Variants in PIK3R3 observed in about 807,000 individuals in gnomAD.
The protein encoded by PIK3R3 is phosphatidylinositol 3-kinase regulatory subunit gamma.
Under a neutral mutation model 62.9 loss-of-function variants are expected in PIK3R3, and 64 were observed. That is an observed-to-expected ratio of 1.02 (90% CI 0.83 to 1.25). The LOEUF (loss-of-function observed/expected upper bound fraction) is 1.25, where lower values mean the gene tolerates loss of function less well. Ranked by LOEUF, PIK3R3 falls within the 50% of genes most tolerant of loss-of-function variation. The probability of loss-of-function intolerance (pLI) is 0.00; values close to 1 mark genes in which losing one functional copy is unlikely to be tolerated. For missense variants in PIK3R3, 614 were observed against 561.6 expected (o/e 1.09, Z -0.94); for synonymous variants, 165 against 189.0 (o/e 0.87, Z 1.04).
At position 46,042,340 on chromosome 1, in the gene PIK3R3, G is replaced by C; in HGVS notation, c.*1333C>G. ...CCTTAATGGCAGGATCACAAAAAAAGGCAAAGAGAAAAGCTTCCAGATGGC... is the reference window on the plus strand; with the variant it reads ...CCTTAATGGCAGGATCACAAAAAAACGCAAAGAGAAAAGCTTCCAGATGGC... On this transcript the variant is annotated 3_prime_UTR_variant, in exon 10 of 10. Coordinates refer to ENST00000262741, the MANE Select transcript of PIK3R3 (RefSeq NM_003629.4). The surrounding 1 kb of genome is among the most constrained non-coding windows in gnomAD (Gnocchi z 4.3). 4.4e-6 allele frequency: 1 copy of C among 229,362 alleles called. No individual in the cohort carries two copies. The highest frequency in any genetic ancestry group is 8.6e-6 in the Non-Finnish European group (1 of 115,628). The allele number at this position is 229,362 out of a possible 1,614,324, so 14.2% of individuals were successfully genotyped here.
At chr1:46,168,325 A>G in the PIK3R3 span, among the ~76,000 whole-genome samples, 2 of 152,062 alleles carry the variant, frequency 1.3e-5, no homozygotes, top group Non-Finnish European at 2.9e-5. Flanking sequence ...TGTTTTCTCC[A>G]TTAGGGTGCA....
chr1:46,135,568 T>C (rs1230734612), upstream of PIK3R3, among the ~76,000 whole-genome samples: 1 of 152,214 alleles, frequency 6.6e-6, no homozygotes, highest in Non-Finnish European at 1.5e-5. Context: ...TGTTCAAATA[T>C]GCTTCATTTC....
intron 1 of PIK3R3, among the ~76,000 whole-genome samples, chr1:46,115,604 G>A (rs1450932067): frequency 6.6e-6 from 1 of 152,194 alleles, no homozygotes; most frequent in East Asian, 1.9e-4. Flanking sequence ...GTCCCAGTTA[G>A]AGAGATATGA....
chr1:46,161,092 T>C, the PIK3R3 span, among the ~76,000 whole-genome samples: 2 of 152,042 alleles, frequency 1.3e-5, no homozygotes, highest in Non-Finnish European at 2.9e-5. Context: ...AATGATTCAC[T>C]TATCAAATTT....
chr1:46,042,091 A>T lies in PIK3R3; in HGVS notation c.*1582T>A, dbSNP rs1353523111. ...AGCTTTGGGTTCAAACAGCTGACTC[A>T]CTCTGAGCCTATTATGGTCCCAGGA... On this transcript the variant is annotated 3_prime_UTR_variant, in exon 10 of 10. Coordinates refer to ENST00000262741, the MANE Select transcript of PIK3R3 (RefSeq NM_003629.4). The surrounding 1 kb of genome is among the most constrained non-coding windows in gnomAD (Gnocchi z 4.3). 4.5e-6 allele frequency: 1 copy of T among 221,660 alleles called. No homozygotes were observed. The highest frequency in any genetic ancestry group is 6.6e-5 in the East Asian group (1 of 15,264). The allele number at this position is 221,660 out of a possible 1,614,324, so 13.7% of individuals were successfully genotyped here.
At chr1:46,049,604 G>A (rs1054815242) in intron 7 of PIK3R3, among the ~76,000 whole-genome samples, 1 of 152,202 alleles carries the variant, frequency 6.6e-6, no homozygotes, top group Non-Finnish European at 1.5e-5. Context: ...ATAGCCAGAT[G>A]GCAAGACCCA....
intron 7 of PIK3R3, among the ~76,000 whole-genome samples, chr1:46,051,299 T>C (rs1473125606): frequency 6.6e-6 from 1 of 152,064 alleles, no homozygotes. Context: ...CTCATTCTGT[T>C]GCCCAGGCTA....
At chr1:46,138,250 G>C in the PIK3R3 span, among the ~76,000 whole-genome samples, 2 of 152,146 alleles carry the variant, frequency 1.3e-5, no homozygotes, top group Non-Finnish European at 2.9e-5. Flanking sequence ...CTTCTTTCTG[G>C]AATGTCCAAT....
Position 46,042,087 on chromosome 1 carries a change from A to ACTC in PIK3R3, c.*1583_*1585dup, listed in dbSNP as rs1647007295. ...GCACAGCTTTGGGTTCAAACAGCTG[A>ACTC]CTCACTCTGAGCCTATTATGGTCCC... On this transcript the variant is annotated 3_prime_UTR_variant, in exon 10 of 10. Transcript: ENST00000262741. The surrounding 1 kb of genome is among the most constrained non-coding windows in gnomAD (Gnocchi z 4.3). The ACTC allele has an allele frequency of 4.5e-6, 1 of 222,016 alleles. No individual in the cohort carries two copies. Among genetic ancestry groups the ACTC allele is most frequent in the East Asian group, 6.5e-5 (1 of 15,288 alleles). 13.8% of individuals were successfully genotyped at this position (222,016 alleles called of 1,614,324 possible).
intron 8 of PIK3R3, 71 bp from the exon 9 acceptor site, chr1:46,046,159 ACT>A (rs1399263468): frequency 3.0e-5 from 27 of 912,144 alleles, no homozygotes; most frequent in Non-Finnish European, 4.0e-5. Flanking sequence ...TAAATAAAAC[ACT>A]CTTCTAAATC....
upstream of PIK3R3, among the ~76,000 whole-genome samples, chr1:46,134,941 C>G (rs1655876005): frequency 6.6e-6 from 1 of 152,200 alleles, no homozygotes; most frequent in African/African-American, 2.4e-5. Flanking sequence ...TTCAGTCTTT[C>G]CACCTAAAAT....
At chr1:46,066,251 A>G in intron 4 of PIK3R3, 72 bp from the exon 5 acceptor site, 1 of 1,096,308 alleles carries the variant, frequency 9.1e-7, no homozygotes, top group Non-Finnish European at 1.3e-6. Context: ...TTCCACATCT[A>G]TTTTTTAAAG....
intron 1 of PIK3R3, among the ~76,000 whole-genome samples, chr1:46,109,920 C>A (rs999611707): frequency 2.0e-5 from 3 of 152,280 alleles, no homozygotes; most frequent in South Asian, 2.1e-4. Flanking sequence ...GCATAGAAGG[C>A]CCTACATGGT....
At position 46,042,938 on chromosome 1, in the gene PIK3R3, G is replaced by A. The variant is rs761691301; in HGVS notation, c.*735C>T. The A allele has an allele frequency of 1.7e-4, 35 of 209,500 alleles. No individual in the cohort carries two copies. The highest frequency in any genetic ancestry group is 2.7e-4 in the Non-Finnish European group (28 of 102,774). 13.0% of individuals were successfully genotyped at this position (209,500 alleles called of 1,614,324 possible). On this transcript the variant is annotated 3_prime_UTR_variant, in exon 10 of 10. Transcript: ENST00000262741. This position sits in a 1 kb window ranked among gnomAD's most constrained non-coding sequence, Gnocchi z 4.3. Reference sequence around the variant, plus strand: ...CAAATTCTAGTCTTTTTATGTTCAAGTTTTGGTACAGAAGTATACATTCAA... The same window carrying A: ...CAAATTCTAGTCTTTTTATGTTCAAATTTTGGTACAGAAGTATACATTCAA...
At chr1:46,170,489 C>T in the PIK3R3 span, among the ~76,000 whole-genome samples, 27,763 of 152,106 alleles carry the variant, frequency 0.18, 2,961 homozygotes, top group Middle Eastern at 0.24. Context: ...GGCATGATCT[C>T]GGCTCACTGC....
the PIK3R3 span, among the ~76,000 whole-genome samples, chr1:46,139,939 A>G: frequency 1.3e-5 from 2 of 152,114 alleles, no homozygotes; most frequent in South Asian, 2.1e-4. Context: ...GACCCTGCAA[A>G]CAAGAACCAG....
intron 1 of PIK3R3, among the ~76,000 whole-genome samples, chr1:46,106,540 A>C (rs954467605): frequency 2.6e-5 from 4 of 152,226 alleles, no homozygotes; most frequent in African/African-American, 9.6e-5. Context: ...GTAAAAAATA[A>C]TAATCAAATA....
chr1:46,133,272 G>T (rs1655785258), upstream of PIK3R3, among the ~76,000 whole-genome samples: 1 of 152,268 alleles, frequency 6.6e-6, no homozygotes. Flanking sequence ...CAGGCTGGGC[G>T]AGCGCTCGGG....
the PIK3R3 span, among the ~76,000 whole-genome samples, chr1:46,170,204 G>A: frequency 6.6e-6 from 1 of 152,188 alleles, no homozygotes; most frequent in Non-Finnish European, 1.5e-5. Flanking sequence ...GGAAGGAAAT[G>A]TCCTGGGCTG....
Sources: allele counts gnomAD v4.1 joint callset (sites outside exome capture counted in the v4.1 genomes callset), GRCh38; gene constraint gnomAD v4.1.1; non-coding constraint Gnocchi (gnomAD v3.1); transcripts MANE v1.5; gene names NCBI Gene and HGNC (gene_info 2026-07-23, HGNC 2026-07-21).